Variants in PSD2 observed in about 807,000 individuals in gnomAD.
PSD2 encodes the protein PH and SEC7 domain-containing protein 2.
PSD2 carries 38 observed loss-of-function variants against 69.8 expected under a neutral mutation model. The observed-to-expected ratio is 0.54, with a 90% CI of 0.42 to 0.71. The LOEUF (loss-of-function observed/expected upper bound fraction) is 0.71. PSD2 is among the 30% of genes least tolerant of loss of function. PSD2 has a pLI of 0.00. For synonymous variants in PSD2, 412 were observed against 423.0 expected (o/e 0.97, Z 0.32); for missense variants, 943 against 1,014.5 (o/e 0.93, Z 0.96).
At chr5:139,797,996 C>T (rs907007539) in intron 1 of PSD2, among the ~76,000 whole-genome samples, 2 of 150,898 alleles carry the variant, frequency 1.3e-5, no homozygotes, top group African/African-American at 4.9e-5. Context: ...ATTCCCATTC[C>T]GGACGTTGGC....
chr5:139,806,957 G>A (rs1487879753), intron 1 of PSD2, among the ~76,000 whole-genome samples: 1 of 152,138 alleles, frequency 6.6e-6, no homozygotes, highest in Non-Finnish European at 1.5e-5. Flanking sequence ...GCAGGCTCCC[G>A]CTCCCAGCTA....
At chr5:139,765,669 C>A in the PSD2 span, among the ~76,000 whole-genome samples, 1 of 152,250 alleles carries the variant, frequency 6.6e-6, no homozygotes, top group Non-Finnish European at 1.5e-5. Flanking sequence ...GAGACCGAAG[C>A]GCGGGGCGCG....
At chr5:139,777,933 G>T in the PSD2 span, among the ~76,000 whole-genome samples, 4 of 152,252 alleles carry the variant, frequency 2.6e-5, no homozygotes, top group South Asian at 8.3e-4. Flanking sequence ...CTGAAGCATT[G>T]CCCTCCAGAC....
the PSD2 span, among the ~76,000 whole-genome samples, chr5:139,788,109 C>T: frequency 6.6e-6 from 1 of 152,136 alleles, no homozygotes; most frequent in Admixed American, 6.5e-5. Flanking sequence ...GTGCTGGGCA[C>T]TGGGACGCGG....
At chr5:139,783,762 C>T in the PSD2 span, among the ~76,000 whole-genome samples, 41 of 152,074 alleles carry the variant, frequency 2.7e-4, no homozygotes, top group Non-Finnish European at 1.2e-4. Context: ...GGGAGATTTT[C>T]AGCTCTTGTT....
chr5:139,813,666 GC>G lies in PSD2; in HGVS notation c.732del (p.Asn245MetfsTer26), dbSNP rs773244699. 1 of 1,613,940 alleles carries G rather than the reference GC, an allele frequency of 6.2e-7. No individual in the cohort carries two copies. The highest frequency in any genetic ancestry group is 1.7e-5 in the Admixed American group (1 of 60,000). Reference protein sequence around the residue: ...VLSRLSLMAMPNGFHEDGPQG... With the variant: ...VLSRLSLMAMXNGFHEDGPQG... ...TGAGCCGCCTGTCTCTCATGGCCAT[GC>G]CCAATGGATTCCATGAAGATGGCCC... On this transcript the variant is annotated frameshift_variant, in exon 3 of 15. Transcript: ENST00000274710. LOFTEE classifies it high-confidence loss of function.
chr5:139,766,933 CTTTCTTTCTTTCTTTCTTT>C, the PSD2 span, among the ~76,000 whole-genome samples: 34 of 51,004 alleles, frequency 6.7e-4, 2 homozygotes, highest in East Asian at 2.6e-3. Context: ...TCCTTCCCTT[CTTTCTTTCTTTCTTTCTTT>C]CTTTCTTTCT....
Position 139,842,625 on chromosome 5 carries a change from T to C in PSD2, c.*151T>C. 1.5e-6 allele frequency: 1 copy of C among 669,428 alleles called. No individual in the cohort carries two copies. Among genetic ancestry groups the C allele is most frequent in the Non-Finnish European group, 2.5e-6 (1 of 392,990 alleles). The allele number at this position is 669,428 out of a possible 1,614,324, so 41.5% of individuals were successfully genotyped here. ...AGCCTGTGGGCCCAGGAGATGGAGA[T>C]GCCGTTTGTGGCGTTGATCTCCTTG... is the stretch of plus-strand genomic sequence containing the variant. On this transcript the variant is annotated 3_prime_UTR_variant, in exon 15 of 15. Transcript: ENST00000274710.
rs1760755853 is a variant in PSD2, at chr5:139,837,368, TGG to T, written c.1665+132_1665+133del. On this transcript the variant is annotated intron_variant, in intron 11 of 14. Coordinates refer to ENST00000274710, the MANE Select transcript of PSD2 (RefSeq NM_032289.4). The surrounding 1 kb of genome is among the most constrained non-coding windows in gnomAD (Gnocchi z 5.0). ...CACATGCTGGGTCCTTCCCCAGACT[TGG>T]GCCCTCTCAGGGCTTTGGAGGTTTT... 1.0e-6 allele frequency: 1 copy of T among 972,836 alleles called. No individual in the cohort carries two copies. Among genetic ancestry groups the T allele is most frequent in the Non-Finnish European group, 1.5e-6 (1 of 646,952 alleles). 60.3% of individuals were successfully genotyped at this position (972,836 alleles called of 1,614,324 possible).
At chr5:139,793,204 A>C (rs1043557986), upstream of PSD2, among the ~76,000 whole-genome samples, 1 of 152,060 alleles carries the variant, frequency 6.6e-6, no homozygotes, top group Non-Finnish European at 1.5e-5. Flanking sequence ...TTGGCCTCCC[A>C]AAGTGTTGGG....
At chr5:139,829,542 CTG>C (rs991610382) in intron 7 of PSD2, among the ~76,000 whole-genome samples, 1 of 152,214 alleles carries the variant, frequency 6.6e-6, no homozygotes, top group Non-Finnish European at 1.5e-5. Context: ...CTTTCTGTCT[CTG>C]TGAATTTGTC....
chr5:139,772,903 T>C, the PSD2 span: 5 of 152,214 alleles, frequency 3.3e-5, no homozygotes, highest in Non-Finnish European at 7.3e-5. Context: ...TCCCCAAGTC[T>C]TCAGTGACTA....
chr5:139,828,761 C>T (rs555273283), intron 7 of PSD2, among the ~76,000 whole-genome samples: 22 of 152,280 alleles, frequency 1.4e-4, no homozygotes, highest in African/African-American at 5.3e-4. Flanking sequence ...GGCCTGGCTC[C>T]TGTGGGGCAA....
the PSD2 span, among the ~76,000 whole-genome samples, chr5:139,782,478 T>G: frequency 6.9e-6 from 1 of 144,056 alleles, no homozygotes; most frequent in Non-Finnish European, 1.5e-5. Context: ...GCCACTGTGC[T>G]GGGCCTGACT....
At chr5:139,744,117 C>T in the PSD2 span, among the ~76,000 whole-genome samples, 4 of 152,182 alleles carry the variant, frequency 2.6e-5, no homozygotes, top group Admixed American at 6.5e-5. Context: ...GGGACACTGG[C>T]CTGTCTGGAG....
chr5:139,768,026 C>T, the PSD2 span, among the ~76,000 whole-genome samples: 1 of 152,254 alleles, frequency 6.6e-6, no homozygotes, highest in Non-Finnish European at 1.5e-5. Flanking sequence ...GTGCAGTGCT[C>T]CCCTGTCCCC....
the PSD2 span, among the ~76,000 whole-genome samples, chr5:139,744,196 A>G: frequency 0.013 from 1,993 of 151,972 alleles, 44 homozygotes; most frequent in African/African-American, 0.046. Context: ...GTCCTACTGC[A>G]CCCCTCCCAT....
chr5:139,751,788 GC>G, the PSD2 span, among the ~76,000 whole-genome samples: 1 of 143,576 alleles, frequency 7.0e-6, no homozygotes, highest in East Asian at 2.0e-4. Flanking sequence ...CTAGGGTCCA[GC>G]CTTTTTTTTT....
In PSD2 at chr5:139,837,827, C is replaced by T; in HGVS notation, c.1823+45C>T. On this transcript the variant is annotated intron_variant, in intron 12 of 14. Coordinates refer to ENST00000274710, the MANE Select transcript of PSD2 (RefSeq NM_032289.4). The surrounding 1 kb of genome is among the most constrained non-coding windows in gnomAD (Gnocchi z 5.0). ...CTTCACTCCCACCTGGGGCCCAGGG[C>T]CACAGTGACCCGGCACACAACCCCT... The T allele has an allele frequency of 6.4e-7, 1 of 1,563,598 alleles. No individual in the cohort carries two copies. Among genetic ancestry groups the T allele is most frequent in the South Asian group, 1.2e-5 (1 of 85,734 alleles).
Sources: allele counts gnomAD v4.1 joint callset (sites outside exome capture counted in the v4.1 genomes callset), GRCh38; gene constraint gnomAD v4.1.1; non-coding constraint Gnocchi (gnomAD v3.1); transcripts MANE v1.5; gene names NCBI Gene and HGNC (gene_info 2026-07-23, HGNC 2026-07-21).